The following HIVEP3 variants were observed in gnomAD, a reference collection of about 807,000 sequenced individuals.
HIVEP3 encodes the protein HIVEP zinc finger 3.
A neutral mutation model predicts 152.8 loss-of-function variants in HIVEP3; 49 were observed. The ratio of observed to expected loss-of-function variants is 0.32; its 90% CI spans 0.26 to 0.41. The LOEUF is 0.41. Ranked by LOEUF, HIVEP3 falls within the 10% of genes least tolerant of loss-of-function variation. The pLI, the probability that HIVEP3 is intolerant of heterozygous loss-of-function variation, is 1.00. For synonymous variants in HIVEP3, 1,269 were observed against 1,289.0 expected (o/e 0.98, Z 0.33); for missense variants, 2,790 against 3,103.3 (o/e 0.90, Z 2.40).
intron 1 of HIVEP3, among the ~76,000 whole-genome samples, chr1:41,999,994 G>T (rs1645417902): frequency 6.6e-6 from 1 of 152,064 alleles, no homozygotes; most frequent in African/African-American, 2.4e-5. Context: ...TTTAATCACA[G>T]TTGACAGAAA....
intron 1 of HIVEP3, among the ~76,000 whole-genome samples, chr1:42,018,884 T>C (rs1468096722): frequency 6.6e-6 from 1 of 152,096 alleles, no homozygotes; most frequent in East Asian, 1.9e-4. Context: ...TACAAATGTA[T>C]TGCTGTTTGT....
chr1:41,817,397 C>T (rs575353272), intron 1 of HIVEP3, among the ~76,000 whole-genome samples: 10 of 152,148 alleles, frequency 6.6e-5, no homozygotes, highest in African/African-American at 2.4e-4. Flanking sequence ...AGGATGGGGC[C>T]GGATGGGGCA....
chr1:41,816,530 T>C (rs1412051644), intron 1 of HIVEP3, among the ~76,000 whole-genome samples: 1 of 151,862 alleles, frequency 6.6e-6, no homozygotes, highest in African/African-American at 2.4e-5. Context: ...CTACCAAAAA[T>C]ACAAAAATTA....
chr1:41,964,502 T>G (rs1454735511), intron 1 of HIVEP3, among the ~76,000 whole-genome samples: 1 of 152,194 alleles, frequency 6.6e-6, no homozygotes, highest in Non-Finnish European at 1.5e-5. Flanking sequence ...GGCAGCAGGC[T>G]GGAGACTGCC....
intron 1 of HIVEP3, chr1:41,865,598 G>C (rs1643955307): frequency 6.6e-6 from 1 of 152,152 alleles, no homozygotes; most frequent in South Asian, 2.1e-4. Context: ...GAAATAATGT[G>C]GGGAAACTGG....
intron 1 of HIVEP3, among the ~76,000 whole-genome samples, chr1:41,889,570 G>T (rs527973654): frequency 6.6e-6 from 1 of 152,258 alleles, no homozygotes; most frequent in East Asian, 1.9e-4. Flanking sequence ...GACAGCATGG[G>T]GGACTCTAGC....
At chr1:41,803,962 C>A (rs998337871) in intron 1 of HIVEP3, among the ~76,000 whole-genome samples, 1 of 152,184 alleles carries the variant, frequency 6.6e-6, no homozygotes, top group Non-Finnish European at 1.5e-5. Flanking sequence ...CAGTGCCAAA[C>A]CTGTTCATCA....
chr1:42,014,598 T>A (rs1645511473), intron 1 of HIVEP3, among the ~76,000 whole-genome samples: 1 of 152,176 alleles, frequency 6.6e-6, no homozygotes, highest in Non-Finnish European at 1.5e-5. Context: ...GGTCCAGTGA[T>A]GCCGATCTGT....
chr1:41,950,568 C>T (rs1309185328), intron 1 of HIVEP3, among the ~76,000 whole-genome samples: 1 of 152,174 alleles, frequency 6.6e-6, no homozygotes, highest in African/African-American at 2.4e-5. Flanking sequence ...ATGCTCTATC[C>T]CATCCATGCC....
intron 1 of HIVEP3, among the ~76,000 whole-genome samples, chr1:41,939,097 C>T (rs1233770083): frequency 6.6e-6 from 1 of 152,142 alleles, no homozygotes; most frequent in African/African-American, 2.4e-5. Flanking sequence ...AGATGATAGC[C>T]TCTAATTATT....
chr1:41,580,822 T>G lies in HIVEP3; in HGVS notation c.3976A>C (p.Asn1326His), dbSNP rs1334150538. The G allele has an allele frequency of 1.3e-6, 2 of 1,583,132 alleles. No homozygotes were observed. Among genetic ancestry groups the G allele is most frequent in the African/African-American group, 2.7e-5 (2 of 74,266 alleles). ...ATTGCGCTCCCATAGGACGGCATAT[T>G]GGTCTGAACACGGACAGGCACAACC... Reference protein sequence around the residue: ...SLVVPVRVQTNMPSYGSAMYT... With the variant: ...SLVVPVRVQTHMPSYGSAMYT... The change falls in exon 4 of 9, where the codon AAT becomes CAT. Residue 1326 changes from asparagine to histidine, a missense_variant. By Grantham distance (68) the Asn-to-His change is moderately conservative (BLOSUM62 1). Transcript: ENST00000372583.
intron 5 of HIVEP3, among the ~76,000 whole-genome samples, chr1:41,532,574 C>T (rs58709132): frequency 0.029 from 4,439 of 152,188 alleles, 217 homozygotes; most frequent in African/African-American, 0.1. Context: ...AATCCAGGCC[C>T]AGGCTCATGT....
At chr1:41,862,556 TCCTGG>T (rs1322514620) in intron 1 of HIVEP3, among the ~76,000 whole-genome samples, 1 of 152,094 alleles carries the variant, frequency 6.6e-6, no homozygotes, top group Non-Finnish European at 1.5e-5. Flanking sequence ...ACTGCAAACA[TCCTGG>T]CATGCATCTC....
chr1:41,544,831 TCACCACCACC>T (rs1643657180), intron 5 of HIVEP3, among the ~76,000 whole-genome samples: 7 of 10,168 alleles, frequency 6.9e-4, no homozygotes, highest in African/African-American at 8.4e-4. Context: ...ACCACCACCA[TCACCACCACC>T]ACTACCACCA....
chr1:42,001,335 G>A (rs1281556633), intron 1 of HIVEP3, among the ~76,000 whole-genome samples: 1 of 152,176 alleles, frequency 6.6e-6, no homozygotes, highest in Non-Finnish European at 1.5e-5. Context: ...GAGCAGTCTG[G>A]TTTAACAAAT....
Position 42,024,562 on chromosome 1 carries a change from C to A in HIVEP3, n.119+11245G>T, listed in dbSNP as rs138234251. Among the ~76,000 whole-genome samples the A allele has an allele frequency of 1.4e-4, 21 of 152,272 alleles. No homozygotes were observed. In the East Asian group the frequency reaches 3.9e-3, roughly 28 times the overall value. On this transcript the variant is annotated intron_variant and non_coding_transcript_variant, in intron 1 of 3. Coordinates refer to the HIVEP3 transcript ENST00000489103. ...AGAATGCTCTTGATTCTTTTTACCC[C>A]CTTTCTTAACTTATATGCTATTGTT...
chr1:41,715,385 G>A (rs1285607943), intron 1 of HIVEP3, among the ~76,000 whole-genome samples: 1 of 152,170 alleles, frequency 6.6e-6, no homozygotes, highest in East Asian at 1.9e-4. Flanking sequence ...TCCAGCCTGA[G>A]TCTTCAGCCT....
At chr1:41,688,348 T>A (rs1041277037) in intron 2 of HIVEP3, among the ~76,000 whole-genome samples, 1 of 152,234 alleles carries the variant, frequency 6.6e-6, no homozygotes, top group Non-Finnish European at 1.5e-5. Flanking sequence ...TGGATGGCTA[T>A]GGGGCAAGAG....
intron 1 of HIVEP3, among the ~76,000 whole-genome samples, chr1:41,950,289 T>C (rs76473258): frequency 0.011 from 1,641 of 152,200 alleles, 30 homozygotes; most frequent in African/African-American, 0.038. Context: ...TCTGTTTTCA[T>C]TCTATTAAAT....
Sources: gnomAD v4.1 joint callset for allele counts (sites outside exome capture counted in the v4.1 genomes callset) on GRCh38, gnomAD v4.1.1 for gene constraint, MANE v1.5 for transcripts, NCBI Gene and HGNC (gene_info 2026-07-23, HGNC 2026-07-21) for gene names.